Variants in MTMR2 observed in about 807,000 individuals in gnomAD.
MTMR2 encodes the protein myotubularin related protein 2, also known as phosphatidylinositol-3,5-bisphosphate 3-phosphatase MTMR2.
In MTMR2, 55 loss-of-function variants were observed where a neutral mutation model predicts 86.9. That is an observed-to-expected ratio of 0.63 (90% CI 0.51 to 0.79). The LOEUF is 0.79. Ranked by LOEUF, MTMR2 falls within the 30% of genes least tolerant of loss-of-function variation. The pLI is 0.00. For synonymous variants in MTMR2, 241 were observed against 266.8 expected, an observed-to-expected ratio of 0.90 and a Z score of 0.94; for missense variants, 659 against 772.3, an observed-to-expected ratio of 0.85 and a Z score of 1.74.
intron 1 of MTMR2, among the ~76,000 whole-genome samples, chr11:95,899,768 A>G (rs1866005006): frequency 6.6e-6 from 1 of 152,140 alleles, no homozygotes; most frequent in Non-Finnish European, 1.5e-5. Context: ...AAAGCAAAAG[A>G]GTAAAAACAT....
intron 1 of MTMR2, among the ~76,000 whole-genome samples, chr11:95,905,335 A>G (rs2508284): frequency 0.45 from 41,708 of 93,158 alleles, 6,378 homozygotes; most frequent in Non-Finnish European, 0.48. Flanking sequence ...ACCTGCGCAC[A>G]CACACACACA....
intron 7 of MTMR2, among the ~76,000 whole-genome samples, chr11:95,854,136 A>G (rs1864124944): frequency 6.6e-6 from 1 of 152,102 alleles, no homozygotes; most frequent in South Asian, 2.1e-4. Flanking sequence ...CGACACACCT[A>G]TCTTCACTAA....
At chr11:95,876,195 G>C (rs1336957540) in intron 2 of MTMR2, among the ~76,000 whole-genome samples, 1 of 152,232 alleles carries the variant, frequency 6.6e-6, no homozygotes, top group Non-Finnish European at 1.5e-5. Flanking sequence ...CCTGCCCCCA[G>C]AGGTGGAGTC....
At chr11:95,923,808 C>T (rs1867024306) in intron 1 of MTMR2, 67 bp downstream of exon 1, 1 of 1,526,804 alleles carries the variant, frequency 6.5e-7, no homozygotes, top group South Asian at 1.2e-5. Context: ...GGGCAACAAT[C>T]CAGCAGGTCC....
chr11:95,866,422 G>C (rs1334175715), intron 2 of MTMR2: 1 of 151,954 alleles, frequency 6.6e-6, no homozygotes, highest in Non-Finnish European at 1.5e-5. Flanking sequence ...GTAAATTTCT[G>C]TCTCCAATCC....
intron 2 of MTMR2, among the ~76,000 whole-genome samples, chr11:95,886,423 T>G (rs1391120112): frequency 6.6e-6 from 1 of 152,204 alleles, no homozygotes; most frequent in Non-Finnish European, 1.5e-5. Context: ...TGTCCAAATG[T>G]AAGCCAGTCA....
chr11:95,905,331 G>GCGCGCGTGCGCGCACA lies in MTMR2; in HGVS notation c.81-17071_81-17070insTGTGCGCGCACGCGCG, dbSNP rs928252045. 2.7e-5 allele frequency among the ~76,000 whole-genome samples: 4 copies of GCGCGCGTGCGCGCACA among 148,098 alleles called. No individual in the cohort carries two copies. The South Asian group carries it at 8.8e-4, about 33-fold the overall frequency. On this transcript the variant is annotated intron_variant, in intron 1 of 14. Transcript: ENST00000346299. Reference sequence around the variant, plus strand: ...CTTACACACACACGCACGCACCTGCGCACACACACACACACACACACACAC... The same window carrying GCGCGCGTGCGCGCACA: ...CTTACACACACACGCACGCACCTGCGCGCGCGTGCGCGCACACACACACACACACACACACACACAC...
rs771548803 is a variant in MTMR2 at position 95,836,197 on chromosome 11, T to C, written c.1721A>G (p.Glu574Gly). The C allele has an allele frequency of 4.2e-5, 67 of 1,613,020 alleles. No individual in the cohort carries two copies. Among genetic ancestry groups the C allele is most frequent in the Non-Finnish European group, 5.4e-5 (64 of 1,179,224 alleles). Residue 574 changes from glutamate to glycine, a missense_variant, in exon 14 of 15, where the codon GAG becomes GGG. Transcript: ENST00000346299. ...CCTTATGTAATATCCCACCCAGAGC[T>C]CTAGGTGGCGCATGCTGGCTACTGG... is the stretch of plus-strand genomic sequence containing the variant. ...LYPVASMRHL[E>G]LWVGYYIRWN... is the part of the protein sequence containing the mutation.
intron 1 of MTMR2, among the ~76,000 whole-genome samples, chr11:95,903,151 C>A (rs1210517947): frequency 1.3e-5 from 2 of 152,172 alleles, no homozygotes; most frequent in African/African-American, 2.4e-5. Context: ...ATCCTCCGGA[C>A]TGGCATTACC....
At chr11:95,853,657 A>C (rs1029786548) in intron 7 of MTMR2, among the ~76,000 whole-genome samples, 45 of 152,122 alleles carry the variant, frequency 3.0e-4, no homozygotes, top group African/African-American at 1.0e-3. Context: ...ACTATTCATT[A>C]CATTATATTG....
chr11:95,845,474 T>C (rs535308934), intron 10 of MTMR2, among the ~76,000 whole-genome samples: 16 of 152,144 alleles, frequency 1.1e-4, no homozygotes, highest in Non-Finnish European at 2.1e-4. Flanking sequence ...TTTCTAAGAA[T>C]CAAATATTCC....
chr11:95,849,731 C>T lies in MTMR2; in HGVS notation c.936G>A (p.Gln312=), dbSNP rs1863941522. 1.2e-6 allele frequency: 2 copies of T among 1,614,104 alleles called. No individual in the cohort carries two copies. The highest frequency in any genetic ancestry group is 2.2e-5 in the South Asian group (2 of 91,084). Residue 312 remains glutamine, a synonymous_variant, in exon 9 of 15, where the codon CAG becomes CAA. Transcript: ENST00000346299. ...YLQAIMDSNA[Q]SHKIFIFDAR... ...CATCAAATATAAAGATTTTGTGAGA[C>T]TGGGCATTGGAATCCATGATAGCTT...
At chr11:95,852,480 A>G (rs1318544684) in intron 7 of MTMR2, among the ~76,000 whole-genome samples, 2 of 151,896 alleles carry the variant, frequency 1.3e-5, no homozygotes, top group Non-Finnish European at 2.9e-5. Context: ...TCCAGCAAAC[A>G]CTCTCAATAG....
intron 10 of MTMR2, among the ~76,000 whole-genome samples, chr11:95,846,871 T>C (rs1219824383): frequency 6.6e-6 from 1 of 152,162 alleles, no homozygotes; most frequent in African/African-American, 2.4e-5. Context: ...AGGGAAACAA[T>C]AGTAAAAATG....
In MTMR2 at chr11:95,911,423, A is replaced by C. The variant is rs544264903; in HGVS notation, c.80+12452T>G. ...AAGAACTTATTGGGAAATTTAAATA[A>C]ATAAAGAGGTGAAAGCCAAAGTATT... On this transcript the variant is annotated intron_variant, in intron 1 of 14. Coordinates refer to ENST00000346299, the MANE Select transcript of MTMR2 (RefSeq NM_016156.6). Among the ~76,000 whole-genome samples, 159 of 152,302 alleles carry C rather than the reference A, an allele frequency of 1.0e-3. 1 individual carries two copies. Among genetic ancestry groups the C allele is most frequent in the African/African-American group, 3.7e-3 (153 of 41,574 alleles).
chr11:95,876,034 C>G (rs2135516679), intron 2 of MTMR2, among the ~76,000 whole-genome samples: 1 of 152,332 alleles, frequency 6.6e-6, no homozygotes, highest in East Asian at 1.9e-4. Context: ...CCCAGTTAGG[C>G]TACTCTGGGG....
At chr11:95,852,926 T>C (rs577952856) in intron 7 of MTMR2, among the ~76,000 whole-genome samples, 1 of 151,942 alleles carries the variant, frequency 6.6e-6, no homozygotes, top group East Asian at 1.9e-4. Context: ...GCCCAGCTAC[T>C]TGGGAAGCTG....
chr11:95,874,678 T>C (rs1865033919), intron 2 of MTMR2, among the ~76,000 whole-genome samples: 1 of 152,238 alleles, frequency 6.6e-6, no homozygotes, highest in African/African-American at 2.4e-5. Flanking sequence ...TGATGCTTTT[T>C]CTTCCTAGCC....
At chr11:95,917,917 G>A (rs1866770355) in intron 1 of MTMR2, among the ~76,000 whole-genome samples, 1 of 152,118 alleles carries the variant, frequency 6.6e-6, no homozygotes, top group Non-Finnish European at 1.5e-5. Flanking sequence ...TTTTAAAAAT[G>A]CTTGTTTCCA....
Sources: gnomAD v4.1 joint callset for allele counts (sites outside exome capture counted in the v4.1 genomes callset) on GRCh38, gnomAD v4.1.1 for gene constraint, MANE v1.5 for transcripts, NCBI Gene and HGNC (gene_info 2026-07-23, HGNC 2026-07-21) for gene names.